NRAP: variants seen among roughly 807,000 people sequenced by gnomAD.
The protein encoded by NRAP is nebulin related anchoring protein.
NRAP carries 189 observed loss-of-function variants against 225.9 expected under a neutral mutation model. The ratio of observed to expected loss-of-function variants is 0.84; its 90% CI spans 0.74 to 0.94. The LOEUF is 0.94. Ranked by LOEUF, NRAP falls within the 40% of genes least tolerant of loss-of-function variation. The pLI is 0.00. For synonymous variants in NRAP, 769 were observed against 790.7 expected (o/e 0.97, Z 0.46); for missense variants, 2,176 against 2,168.7 (o/e 1.00, Z -0.07).
Position 113,619,072 on chromosome 10 carries a change from G to T in NRAP, c.2875-1519C>A, listed in dbSNP as rs1333327561. ...CTTGCCTTACTTACTAAACTTTGAG[G>T]ACTAGTATGAGACAAGCCCATCAAA... On this transcript the variant is annotated intron_variant, in intron 25 of 41. Coordinates refer to ENST00000359988, the MANE Select transcript of NRAP (RefSeq NM_198060.4). Among the ~76,000 whole-genome samples the T allele has an allele frequency of 6.6e-5, 10 of 152,266 alleles. No homozygotes were observed. In the East Asian group the frequency reaches 1.9e-3, roughly 29 times the overall value.
At chr10:113,637,296 T>C (rs1488233849) in intron 14 of NRAP, among the ~76,000 whole-genome samples, 1 of 152,210 alleles carries the variant, frequency 6.6e-6, no homozygotes, top group Admixed American at 6.5e-5. Context: ...ATGTGGAAAC[T>C]GAGGCACAGA....
In NRAP at chr10:113,663,399, C is replaced by G. The variant is rs1250935763; in HGVS notation, c.120G>C (p.Leu40=). 3 of 1,613,494 alleles carry G rather than the reference C, an allele frequency of 1.9e-6. No individual in the cohort carries two copies. The highest frequency in any genetic ancestry group is 2.5e-6 in the Non-Finnish European group (3 of 1,179,430). The stretch of plus-strand genomic sequence containing the variant: ...GGTGACTCACAAAGTTATTAACAGA[C>G]AGCATCATCTTGCAAACTTCACAGT... The part of the protein sequence containing the change: ...CFHCEVCKMM[L]SVNNFVSHQK... Residue 40 remains leucine (L), a synonymous_variant, in exon 2 of 42, where the codon CTG becomes CTC. Coordinates refer to ENST00000359988, the MANE Select transcript of NRAP (RefSeq NM_198060.4).
chr10:113,641,390 A>C lies in NRAP; in HGVS notation c.1298T>G (p.Met433Arg). 6.2e-7 allele frequency: 1 copy of C among 1,613,598 alleles called. No homozygotes were observed. Among genetic ancestry groups the C allele is most frequent in the Non-Finnish European group, 8.5e-7 (1 of 1,179,640 alleles). ...GTTGCTTGCCAGGCTGCCAACTTTC[A>C]TAGCATGCAGAGTGCGTCTGTCCAT... is the stretch of plus-strand genomic sequence containing the variant. Reference protein sequence around the residue: ...VGMDRRTLHAMKVGSLASNVA... With the variant: ...VGMDRRTLHARKVGSLASNVA... Residue 433 changes from methionine (M) to arginine (R), a missense_variant, in exon 13 of 42, where the codon ATG becomes AGG. Coordinates refer to ENST00000359988, the MANE Select transcript of NRAP (RefSeq NM_198060.4).
chr10:113,617,482 G>A lies in NRAP; in HGVS notation c.2946C>T (p.Ala982=). 6.2e-7 allele frequency: 1 copy of A among 1,608,416 alleles called. No individual in the cohort carries two copies. Among genetic ancestry groups the A allele is most frequent in the Non-Finnish European group, 8.5e-7 (1 of 1,174,902 alleles). The change falls in exon 26 of 42, where the codon GCC becomes GCT. Residue 982 remains alanine, a synonymous_variant. Coordinates refer to ENST00000359988, the MANE Select transcript of NRAP (RefSeq NM_198060.4). ...CCACTGCTTGGGTATAACTAATTCT[G>A]GCCTGGACCATCTCCGGAGTGTCTT... ...SIKDTPEMVQ[A]RISYTQAVDR...
intron 26 of NRAP, 80 bp downstream of exon 26, chr10:113,617,375 C>G (rs1158652897): frequency 1.1e-6 from 1 of 912,702 alleles, no homozygotes; most frequent in Admixed American, 1.7e-5. Context: ...GGAGCAAACC[C>G]AAGAACCCCT....
At chr10:113,613,321 G>A (rs1847443885) in intron 29 of NRAP, among the ~76,000 whole-genome samples, 1 of 152,164 alleles carries the variant, frequency 6.6e-6, no homozygotes, top group African/African-American at 2.4e-5. Flanking sequence ...ACGTGAAGCT[G>A]TGGAAAGACC....
intron 35 of NRAP, among the ~76,000 whole-genome samples, chr10:113,602,321 C>T (rs2133877687): frequency 6.6e-6 from 1 of 152,330 alleles, no homozygotes; most frequent in South Asian, 2.1e-4. Context: ...GGCCTCTCTA[C>T]CTTCCTCAGG....
chr10:113,654,507 C>CAAAAAAAA (rs56238053), intron 4 of NRAP, among the ~76,000 whole-genome samples: 26 of 128,686 alleles, frequency 2.0e-4, no homozygotes, highest in Non-Finnish European at 2.2e-4. Flanking sequence ...GCAATAAAAG[C>CAAAAAAAA]AAAAAAAAAA....
intron 35 of NRAP, among the ~76,000 whole-genome samples, chr10:113,601,445 A>G (rs1846596395): frequency 6.6e-6 from 1 of 152,244 alleles, no homozygotes; most frequent in African/African-American, 2.4e-5. Context: ...GAACCAGCTG[A>G]ACATTTCAGG....
chr10:113,604,390 C>T (rs1027874415), intron 35 of NRAP, among the ~76,000 whole-genome samples: 9 of 152,164 alleles, frequency 5.9e-5, no homozygotes, highest in African/African-American at 2.2e-4. Context: ...GTTGGGATTA[C>T]AGGTGTGAGC....
In NRAP at chr10:113,590,639, G is replaced by A. The variant is rs749121603; in HGVS notation, c.4895C>T (p.Thr1632Ile). 9 of 1,613,940 alleles carry A rather than the reference G, an allele frequency of 5.6e-6. No homozygotes were observed. In the East Asian group the frequency reaches 1.8e-4, roughly 32 times the overall value. Residue 1632 changes from threonine to isoleucine, a missense_variant, in exon 40 of 42, where the codon ACC becomes ATC. Thr to Ile is a moderately conservative substitution (Grantham distance 89, BLOSUM62 -1). This residue lies in a region of NRAP where 445 missense variants were observed against 426.1 expected (regional missense o/e 1.04). Transcript: ENST00000359988. ...VHYRQPLPQP[T>I]CDPEQLGLRH... ...GAGGCCCAGCTGCTCCGGGTCGCAG[G>A]TGGGCTGGGGCAGGGGCTGCCTGTA...
intron 31 of NRAP, 90 bp from the exon 32 acceptor site, chr10:113,608,602 C>G: frequency 1.2e-6 from 1 of 822,558 alleles, no homozygotes; most frequent in South Asian, 1.6e-5. Flanking sequence ...AGCCATAAAG[C>G]CTCGTTTTGC....
At chr10:113,648,520 C>A (rs922852062) in intron 9 of NRAP, among the ~76,000 whole-genome samples, 4 of 143,348 alleles carry the variant, frequency 2.8e-5, no homozygotes, top group African/African-American at 7.7e-5. Context: ...TTTCAAGACA[C>A]CTAATCCTGT....
chr10:113,594,109 T>C (rs1022003961), intron 38 of NRAP, among the ~76,000 whole-genome samples: 2 of 152,200 alleles, frequency 1.3e-5, no homozygotes, highest in African/African-American at 4.8e-5. Flanking sequence ...ACCCTGGGCG[T>C]TCCTCTTCTT....
chr10:113,640,950 A>G (rs914817839), intron 13 of NRAP, among the ~76,000 whole-genome samples: 2 of 152,190 alleles, frequency 1.3e-5, no homozygotes, highest in Non-Finnish European at 2.9e-5. Flanking sequence ...CAATGAATAC[A>G]ATGATCAAAA....
At position 113,645,944 on chromosome 10, in the gene NRAP, G is replaced by GAAAAAA; in HGVS notation, c.994-9_994-4dup. The GAAAAAA allele has an allele frequency of 8.0e-7, 1 of 1,247,878 alleles. No individual in the cohort carries two copies. Among genetic ancestry groups the GAAAAAA allele is most frequent in the Non-Finnish European group, 1.1e-6 (1 of 896,566 alleles). The allele number at this position is 1,247,878 out of a possible 1,614,324, so 77.3% of individuals were successfully genotyped here. Reference sequence around the variant, plus strand: ...TTGAAGTCCTGCCTGTATTTTATCTGAAAAAAAAAACACAAAACGGGGCTG... The same window carrying GAAAAAA: ...TTGAAGTCCTGCCTGTATTTTATCTGAAAAAAAAAAAAAAAACACAAAACGGGGCTG... On this transcript the variant is annotated splice_polypyrimidine_tract_variant and splice_region_variant and intron_variant, in intron 10 of 41. Coordinates refer to ENST00000359988, the MANE Select transcript of NRAP (RefSeq NM_198060.4).
At chr10:113,657,414 T>C in intron 4 of NRAP, 56 bp downstream of exon 4, 1 of 883,764 alleles carries the variant, frequency 1.1e-6, no homozygotes, top group Non-Finnish European at 1.9e-6. Context: ...ATACACTCAA[T>C]TGACATAGTA....
chr10:113,602,474 G>A (rs1198547629), intron 35 of NRAP, among the ~76,000 whole-genome samples: 1 of 152,180 alleles, frequency 6.6e-6, no homozygotes, highest in African/African-American at 2.4e-5. Flanking sequence ...GACTTTGTAA[G>A]TGGAACTTGG....
intron 27 of NRAP, among the ~76,000 whole-genome samples, 181 bp downstream of exon 27, chr10:113,615,531 G>A (rs1847600361): frequency 6.6e-6 from 1 of 152,168 alleles, no homozygotes; most frequent in Admixed American, 6.5e-5. Context: ...TACATAATGT[G>A]CAGGGCCTAG....
Sources: allele counts gnomAD v4.1 joint callset (sites outside exome capture counted in the v4.1 genomes callset), GRCh38; gene constraint gnomAD v4.1.1; regional missense constraint gnomAD v4.1.1; transcripts MANE v1.5; gene names NCBI Gene and HGNC (gene_info 2026-07-23, HGNC 2026-07-21).